Variants in R3HDM2 observed in about 807,000 individuals in gnomAD.
R3HDM2 encodes R3H domain containing 2, also known as R3H domain-containing protein 2.
Under a neutral mutation model 124.5 loss-of-function variants are expected in R3HDM2, and 38 were observed. The observed-to-expected ratio is 0.31, with a 90% CI of 0.24 to 0.40. The LOEUF (loss-of-function observed/expected upper bound fraction) is 0.40, where lower values mean the gene tolerates loss of function less well. Ranked by LOEUF, R3HDM2 falls within the 10% of genes least tolerant of loss-of-function variation. R3HDM2 has a pLI of 1.00. For synonymous variants in R3HDM2, 391 were observed against 448.0 expected (o/e 0.87, Z 1.61); for missense variants, 869 against 1,236.9 (o/e 0.70, Z 4.46).
intron 2 of R3HDM2, among the ~76,000 whole-genome samples, chr12:57,348,275 A>T (rs926643537): frequency 6.6e-6 from 1 of 152,036 alleles, no homozygotes. Context: ...TCTATTAAGA[A>T]ATAAAAAAAG....
chr12:57,374,773 C>T (rs2063821001), intron 2 of R3HDM2, among the ~76,000 whole-genome samples: 1 of 144,278 alleles, frequency 6.9e-6, no homozygotes, highest in African/African-American at 2.6e-5. Context: ...GCAGGCAGAT[C>T]ACGAGGTCAG....
intron 1 of R3HDM2, among the ~76,000 whole-genome samples, chr12:57,424,710 T>C (rs1282475805): frequency 3.9e-5 from 6 of 152,228 alleles, no homozygotes; most frequent in Middle Eastern, 3.4e-3. Context: ...CCTAGCCTTT[T>C]TGGGGTTTTT....
At chr12:57,375,130 G>T (rs2138101543) in intron 2 of R3HDM2, among the ~76,000 whole-genome samples, 1 of 150,446 alleles carries the variant, frequency 6.6e-6, no homozygotes, top group Non-Finnish European at 1.5e-5. Context: ...ATAATATTCT[G>T]CATCCAAAAC....
intron 1 of R3HDM2, among the ~76,000 whole-genome samples, chr12:57,400,587 AT>A (rs2067960817): frequency 6.6e-6 from 1 of 152,264 alleles, no homozygotes; most frequent in African/African-American, 2.4e-5. Context: ...TATAATAAAA[AT>A]ATATATTAAA....
At chr12:57,266,944 G>C (rs1318911089) in intron 18 of R3HDM2, 113 bp from the exon 19 acceptor site, 1 of 700,944 alleles carries the variant, frequency 1.4e-6, no homozygotes, top group African/African-American at 1.8e-5. Context: ...GCAACTTCAA[G>C]CCATTCCCAG....
chr12:57,316,249 G>C (rs1360944013), intron 2 of R3HDM2, among the ~76,000 whole-genome samples: 2 of 152,186 alleles, frequency 1.3e-5, no homozygotes, highest in Non-Finnish European at 2.9e-5. Flanking sequence ...ATCTAACCCA[G>C]ATTTCTTTTG....
intron 5 of R3HDM2, 35 bp downstream of exon 5, chr12:57,300,060 C>T (rs1003927006): frequency 1.6e-5 from 23 of 1,483,358 alleles, no homozygotes; most frequent in Non-Finnish European, 1.9e-5. Flanking sequence ...AACTGCCAAG[C>T]GCAAAAGCTA....
chr12:57,363,314 C>G (rs938299425), intron 2 of R3HDM2, among the ~76,000 whole-genome samples: 1 of 152,102 alleles, frequency 6.6e-6, no homozygotes, highest in African/African-American at 2.4e-5. Context: ...TTAAAGTGCA[C>G]AATTCTATGG....
chr12:57,272,622 T>TGGGGGGGGGGGAGGGGGGGGGGGGGG (rs35275303), intron 14 of R3HDM2: 2 of 70,990 alleles, frequency 2.8e-5, no homozygotes, highest in Non-Finnish European at 5.4e-5. Context: ...GGGGGTGGGG[T>TGGGGGGGGGGGAGGGGGGGGGGGGGG]GGGGGGGGGG....
At chr12:57,332,848 T>G (rs943794550) in intron 2 of R3HDM2, among the ~76,000 whole-genome samples, 1 of 152,188 alleles carries the variant, frequency 6.6e-6, no homozygotes, top group Non-Finnish European at 1.5e-5. Context: ...GATATAATGA[T>G]TCATATCTTA....
At chr12:57,416,024 ATATTAT>A (rs1208722817) in intron 1 of R3HDM2, among the ~76,000 whole-genome samples, 1 of 152,200 alleles carries the variant, frequency 6.6e-6, no homozygotes, top group Non-Finnish European at 1.5e-5. Flanking sequence ...ACTGTTTATA[ATATTAT>A]TATATCACTG....
At chr12:57,349,820 G>A (rs1363475928) in intron 2 of R3HDM2, among the ~76,000 whole-genome samples, 2 of 152,008 alleles carry the variant, frequency 1.3e-5, no homozygotes, top group African/African-American at 4.8e-5. Flanking sequence ...TCAGCCCGTC[G>A]AAGTGCTGGG....
chr12:57,259,398 C>T (rs142604524), intron 19 of R3HDM2, among the ~76,000 whole-genome samples: 1 of 152,346 alleles, frequency 6.6e-6, no homozygotes, highest in African/African-American at 2.4e-5. Context: ...AATGTCTAGG[C>T]ATGGTACGGG....
chr12:57,302,667 CAAA>C (rs756266164), intron 4 of R3HDM2, among the ~76,000 whole-genome samples: 4 of 39,798 alleles, frequency 1.0e-4, no homozygotes, highest in Non-Finnish European at 1.1e-4. Context: ...AATTCCGTCT[CAAA>C]AAAAAAAAAA....
chr12:57,253,808 C>A lies in R3HDM2; in HGVS notation c.*965G>T. The A allele has an allele frequency of 5.7e-6, 1 of 175,496 alleles. No individual in the cohort carries two copies. The highest frequency in any genetic ancestry group is 1.2e-5 in the Non-Finnish European group (1 of 84,056). 10.9% of individuals were successfully genotyped at this position (175,496 alleles called of 1,614,324 possible). ...TTTTATATTTAAAAACAAAACCAACCTCCCCCCAAATAACCCCCAAACAAA... is the reference window on the plus strand; with the variant it reads ...TTTTATATTTAAAAACAAAACCAACATCCCCCCAAATAACCCCCAAACAAA... On this transcript the variant is annotated 3_prime_UTR_variant, in exon 24 of 24. Coordinates refer to ENST00000402412, the MANE Select transcript of R3HDM2 (RefSeq NM_001394031.1).
intron 2 of R3HDM2, among the ~76,000 whole-genome samples, chr12:57,369,766 G>A (rs150141681): frequency 4.9e-4 from 74 of 152,228 alleles, no homozygotes; most frequent in African/African-American, 1.7e-3. Context: ...CAAGATCCTT[G>A]CTGTTGCCCT....
In R3HDM2 at chr12:57,256,525, G is replaced by A. The variant is rs2039061768; in HGVS notation, c.2450-14C>T. On this transcript the variant is annotated splice_polypyrimidine_tract_variant and intron_variant, in intron 21 of 23. Coordinates refer to ENST00000402412, the MANE Select transcript of R3HDM2 (RefSeq NM_001394031.1). ...AGCGCCCATCACCTAGGGAGTAAGA[G>A]CAATTGGTTTTCTGGGAGCTTAAGC... 1 of 1,540,888 alleles carries A rather than the reference G, an allele frequency of 6.5e-7. No homozygotes were observed. The highest frequency in any genetic ancestry group is 2.0e-5 in the Admixed American group (1 of 49,674).
intron 2 of R3HDM2, among the ~76,000 whole-genome samples, chr12:57,312,305 A>ATTTT (rs201583405): frequency 2.3e-5 from 3 of 133,094 alleles, no homozygotes; most frequent in South Asian, 2.4e-4. Context: ...CTGCTTTGTG[A>ATTTT]TTTTTTTTTT....
chr12:57,255,029 A>G lies in R3HDM2; in HGVS notation c.2717T>C (p.Met906Thr), dbSNP rs947823262. The G allele has an allele frequency of 1.2e-6, 2 of 1,613,020 alleles. No individual in the cohort carries two copies. Among genetic ancestry groups the G allele is most frequent in the African/African-American group, 1.3e-5 (1 of 74,674 alleles). ...GAGCCACTGGATCTTGGCGCCAGAC[A>G]TGGCGAGCTGCGTGAAGAGTTTGTC... ...EADKLFTQLA[M>T]SGAKIQWLKD... Residue 906 changes from methionine (M) to threonine (T), a missense_variant, in exon 24 of 24, where the codon ATG becomes ACG. Around this residue, in one of 2 missense-constraint regions of R3HDM2, gnomAD observed 602 missense variants for 789.2 expected, o/e 0.76. Coordinates refer to ENST00000402412, the MANE Select transcript of R3HDM2 (RefSeq NM_001394031.1).
Sources: gnomAD v4.1 joint callset for allele counts (sites outside exome capture counted in the v4.1 genomes callset) on GRCh38, gnomAD v4.1.1 for gene constraint, gnomAD v4.1.1 regional missense constraint, MANE v1.5 for transcripts, NCBI Gene and HGNC (gene_info 2026-07-23, HGNC 2026-07-21) for gene names.